PCDHGA2: variants seen among roughly 807,000 people sequenced by gnomAD.
The protein encoded by PCDHGA2 is protocadherin gamma subfamily A, 2.
A neutral mutation model predicts 59.2 loss-of-function variants in PCDHGA2; 40 were observed. The observed-to-expected ratio is 0.68, with a 90% CI of 0.52 to 0.88. The LOEUF is 0.88. PCDHGA2 is among the 40% of genes least tolerant of loss of function. The probability of loss-of-function intolerance (pLI) is 0.00; values close to 1 mark genes in which losing one functional copy is unlikely to be tolerated. For synonymous variants in PCDHGA2, 560 were observed against 526.0 expected, an observed-to-expected ratio of 1.06 and a Z score of -0.89; for missense variants, 1,226 against 1,204.0, an observed-to-expected ratio of 1.02 and a Z score of -0.27.
chr5:141,465,048 A>AT (rs905091014), intron 1 of PCDHGA2, among the ~76,000 whole-genome samples: 18 of 151,226 alleles, frequency 1.2e-4, no homozygotes, highest in African/African-American at 4.4e-4. Context: ...GACCCTATAT[A>AT]TTTTTTTGAA....
chr5:141,427,819 T>C, intron 1 of PCDHGA2: 1 of 1,531,664 alleles, frequency 6.5e-7, no homozygotes, highest in Non-Finnish European at 8.9e-7. Context: ...AGCGGGGTGG[T>C]GGTCGCGCAG....
chr5:141,384,374 C>A, intron 1 of PCDHGA2: 1 of 1,613,920 alleles, frequency 6.2e-7, no homozygotes, highest in Non-Finnish European at 8.5e-7. Flanking sequence ...TATTCCTTGG[C>A]CGAAGACACC....
At chr5:141,455,634 G>C (rs1429708887) in intron 1 of PCDHGA2, among the ~76,000 whole-genome samples, 1 of 152,110 alleles carries the variant, frequency 6.6e-6, no homozygotes. Context: ...GAGATATGTG[G>C]GGGGCAGCCA....
At chr5:141,408,055 C>CCGG in intron 1 of PCDHGA2, 1 of 1,299,130 alleles carries the variant, frequency 7.7e-7, no homozygotes, top group South Asian at 1.6e-5. Flanking sequence ...ACAGAGCCTC[C>CCGG]CGGCTGCGCA....
At chr5:141,357,628 C>G in intron 1 of PCDHGA2, 1 of 1,613,256 alleles carries the variant, frequency 6.2e-7, no homozygotes, top group Middle Eastern at 1.7e-4. Context: ...TCAGGTGAGT[C>G]AATCTTATAA....
At chr5:141,494,680 C>A in intron 1 of PCDHGA2, 127 bp from the exon 2 acceptor site, 1 of 1,560,094 alleles carries the variant, frequency 6.4e-7, no homozygotes, top group Non-Finnish European at 8.7e-7. Flanking sequence ...CCACCCCTGC[C>A]CCCTCTTAGT....
intron 1 of PCDHGA2, chr5:141,371,810 G>A (rs374995933): frequency 5.6e-6 from 9 of 1,613,756 alleles, no homozygotes; most frequent in Middle Eastern, 1.6e-4. Context: ...CCTCCATTGC[G>A]CATGTCAGAG....
At chr5:141,403,146 G>T (rs1400601984) in intron 1 of PCDHGA2, 2 of 1,614,056 alleles carry the variant, frequency 1.2e-6, no homozygotes, top group Middle Eastern at 1.6e-4. Context: ...CGCCGAGTCC[G>T]CATCGTCTCT....
At chr5:141,480,205 A>G (rs2099514310) in intron 1 of PCDHGA2, among the ~76,000 whole-genome samples, 1 of 151,108 alleles carries the variant, frequency 6.6e-6, no homozygotes, top group Admixed American at 6.6e-5. Flanking sequence ...GCAGTTCAAG[A>G]CCAGCCTGAG....
rs889945954 is a variant in PCDHGA2, at chr5:141,489,368, C to A, written c.2425-5439C>A. The A allele has an allele frequency of 2.5e-6, 4 of 1,613,384 alleles. No homozygotes were observed. Among genetic ancestry groups the A allele is most frequent in the Non-Finnish European group, 3.4e-6 (4 of 1,179,478 alleles). On this transcript the variant is annotated intron_variant, in intron 1 of 3. Coordinates refer to ENST00000394576, the MANE Select transcript of PCDHGA2 (RefSeq NM_018915.4). The surrounding 1 kb of genome is among the most constrained non-coding windows in gnomAD (Gnocchi z 4.5). ...GTGGTGGAGGAGTCTGAGCCGGGGA[C>A]GCTGGTGGGGAATGTTGCTCAGGAT...
chr5:141,381,826 C>CTTCTTTTTTTTT (rs1777532522), intron 1 of PCDHGA2, among the ~76,000 whole-genome samples: 2 of 74,284 alleles, frequency 2.7e-5, no homozygotes, highest in African/African-American at 1.2e-4. Flanking sequence ...CTTTCTTCTT[C>CTTCTTTTTTTTT]TTTTTTTTTT....
chr5:141,370,342 AT>A lies in PCDHGA2; in HGVS notation c.2424+28950del, dbSNP rs1766823822. ...TCCTGCTCGGAGAACTCTTGGGATTATTTAAAGATCTCCTCTCCTCGGATTT... is the reference window on the plus strand; with the variant it reads ...TCCTGCTCGGAGAACTCTTGGGATTATTAAAGATCTCCTCTCCTCGGATTT... On this transcript the variant is annotated intron_variant, in intron 1 of 3. Coordinates refer to ENST00000394576, the MANE Select transcript of PCDHGA2 (RefSeq NM_018915.4). 37 of 1,476,030 alleles carry A rather than the reference AT, an allele frequency of 2.5e-5. 2 individuals carry two copies. The South Asian group carries it at 5.1e-4, about 20-fold the overall frequency. The allele number at this position is 1,476,030 out of a possible 1,614,324, so 91.4% of individuals were successfully genotyped here. A position where few individuals can be genotyped will look rare whatever the true frequency, so the allele number is the denominator to read the frequency against.
chr5:141,399,691 C>T (rs2093867392), intron 1 of PCDHGA2: 1 of 1,613,362 alleles, frequency 6.2e-7, no homozygotes, highest in Admixed American at 1.7e-5. Flanking sequence ...CGAGCAGCTG[C>T]GCACCTTCGA....
chr5:141,366,170 C>A lies in PCDHGA2; in HGVS notation c.2424+24775C>A, dbSNP rs757055364. 12 of 1,614,082 alleles carry A rather than the reference C, an allele frequency of 7.4e-6. No individual in the cohort carries two copies. The South Asian group carries it at 1.1e-4, about 15-fold the overall frequency. On this transcript the variant is annotated intron_variant, in intron 1 of 3. Coordinates refer to ENST00000394576, the MANE Select transcript of PCDHGA2 (RefSeq NM_018915.4). ...CTACCGCCTGCTTAAGGCCAGCGAG[C>A]CAGGACTCTTTGCGGTTGGGCTGCA...
rs934816631 is a variant in PCDHGA2, at chr5:141,378,863, G to A, written c.2424+37468G>A. 6 of 152,136 alleles carry A rather than the reference G, an allele frequency of 3.9e-5. No individual in the cohort carries two copies. The East Asian group carries it at 7.7e-4, about 20-fold the overall frequency. The allele number at this position is 152,136 out of a possible 1,614,324, so 9.4% of individuals were successfully genotyped here. ...GAGTTTTTGACTGTCAATGATGTTC[G>A]AATAGAAAATGGATCACTAAGGAGA... On this transcript the variant is annotated intron_variant, in intron 1 of 3. Transcript: ENST00000394576.
At chr5:141,414,132 T>A in intron 1 of PCDHGA2, 1 of 1,594,828 alleles carries the variant, frequency 6.3e-7, no homozygotes, top group South Asian at 1.1e-5. Flanking sequence ...CCGGTTTCTA[T>A]GAAATAGAAA....
intron 1 of PCDHGA2, among the ~76,000 whole-genome samples, chr5:141,434,479 A>C (rs2097696849): frequency 6.6e-6 from 1 of 152,202 alleles, no homozygotes; most frequent in African/African-American, 2.4e-5. Flanking sequence ...AGGGCAAGGA[A>C]CACCTGGCCC....
intron 2 of PCDHGA2, among the ~76,000 whole-genome samples, chr5:141,498,747 C>T (rs1363145286): frequency 6.6e-6 from 1 of 152,106 alleles, no homozygotes; most frequent in Non-Finnish European, 1.5e-5. Context: ...GCCTGGCCAA[C>T]ATGATGAAAC....
intron 1 of PCDHGA2, chr5:141,355,455 C>G: frequency 6.2e-7 from 1 of 1,614,078 alleles, no homozygotes. Flanking sequence ...GCACCTTGGT[C>G]ACCGCGGGTA....
Sources: gnomAD v4.1 joint callset for allele counts (sites outside exome capture counted in the v4.1 genomes callset) on GRCh38, gnomAD v4.1.1 for gene constraint, Gnocchi (gnomAD v3.1) non-coding constraint, MANE v1.5 for transcripts, NCBI Gene and HGNC (gene_info 2026-07-23, HGNC 2026-07-21) for gene names.